Variants in LYST observed in about 807,000 individuals in gnomAD.
LYST encodes the protein lysosomal-trafficking regulator.
A neutral mutation model predicts 413.6 loss-of-function variants in LYST; 192 were observed. The observed-to-expected ratio is 0.46, with a 90% CI of 0.41 to 0.52. The LOEUF (loss-of-function observed/expected upper bound fraction) is 0.52, where lower values mean the gene tolerates loss of function less well. LYST is among the 20% of genes least tolerant of loss of function. LYST has a pLI of 0.00. For synonymous variants in LYST, 1,525 were observed against 1,567.3 expected, an observed-to-expected ratio of 0.97 and a Z score of 0.64; for missense variants, 3,815 against 4,499.9, an observed-to-expected ratio of 0.85 and a Z score of 4.35.
intron 30 of LYST, among the ~76,000 whole-genome samples, chr1:235,741,862 C>T (rs1665430232): frequency 6.6e-6 from 1 of 152,160 alleles, no homozygotes; most frequent in Non-Finnish European, 1.5e-5. Context: ...ACAGTCTGAA[C>T]GTCCATCAGT....
At chr1:235,870,273 A>G (rs1438367936), upstream of LYST, among the ~76,000 whole-genome samples, 2 of 152,178 alleles carry the variant, frequency 1.3e-5, no homozygotes, top group Admixed American at 6.5e-5. Context: ...TCTGTACATC[A>G]TGAGCTATAA....
At chr1:235,740,427 G>A (rs781679704) in intron 31 of LYST, among the ~76,000 whole-genome samples, 20 of 151,602 alleles carry the variant, frequency 1.3e-4, no homozygotes, top group South Asian at 2.1e-4. Context: ...CTTTCTCACC[G>A]TCCCCCTTCC....
chr1:235,775,622 G>A (rs1442709796), intron 17 of LYST, among the ~76,000 whole-genome samples: 1 of 152,128 alleles, frequency 6.6e-6, no homozygotes, highest in Non-Finnish European at 1.5e-5. Flanking sequence ...AGGTATTCTG[G>A]AGAGCACAGA....
intron 19 of LYST, among the ~76,000 whole-genome samples, chr1:235,772,412 GTTTT>G (rs923704814): frequency 6.8e-6 from 1 of 147,736 alleles, no homozygotes; most frequent in Admixed American, 6.8e-5. Flanking sequence ...AGACAATCTA[GTTTT>G]TTTTTTGCAA....
intron 1 of LYST, chr1:235,839,617 A>ACCCCCCCCCCCCCC (rs34682314): frequency 6.8e-6 from 1 of 146,108 alleles, no homozygotes; most frequent in African/African-American, 2.7e-5. Flanking sequence ...AACACGGAGA[A>ACCCCCCCCCCCCCC]CCCCCCCCAC....
At chr1:235,771,917 G>GTTTT (rs1215590592) in intron 19 of LYST, among the ~76,000 whole-genome samples, 1,044 of 71,544 alleles carry the variant, frequency 0.015, no homozygotes, top group Non-Finnish European at 0.017. Flanking sequence ...TTTTTAGTTT[G>GTTTT]TTTTTTTTTT....
rs1558261064 is a variant in LYST at position 235,798,576 on chromosome 1, C to CTTAAAAAAAAAAAAAAAAA, written c.4006+1743_4006+1744insTTTTTTTTTTTTTTTTTAA. ...CTTGGCGACAAGGGCAAAACCCTGT[C>CTTAAAAAAAAAAAAAAAAA]ATAAAAAAAAAAAAAAAAAAAAAAA... is the stretch of plus-strand genomic sequence containing the variant. On this transcript the variant is annotated intron_variant, in intron 10 of 52. Transcript: ENST00000389793. Among the ~76,000 whole-genome samples the CTTAAAAAAAAAAAAAAAAA allele has an allele frequency of 2.0e-4, 5 of 24,526 alleles. 1 individual carries two copies. The highest frequency in any genetic ancestry group is 6.8e-4 in the African/African-American group (5 of 7,310). 16.1% of individuals were successfully genotyped at this position (24,526 alleles called of 152,430 possible).
chr1:235,680,920 A>C (rs1302933740), intron 48 of LYST, among the ~76,000 whole-genome samples: 3 of 152,158 alleles, frequency 2.0e-5, no homozygotes, highest in African/African-American at 7.2e-5. Context: ...TTCATATTAC[A>C]GAGAGAGACA....
At chr1:235,800,432 A>G in intron 9 of LYST, 46 bp from the exon 10 acceptor site, 1 of 1,039,230 alleles carries the variant, frequency 9.6e-7, no homozygotes, top group South Asian at 1.3e-5. Flanking sequence ...ACCTCACAGA[A>G]GCATGAAACA....
chr1:235,713,571 A>C (rs1662582531), intron 42 of LYST, among the ~76,000 whole-genome samples: 1 of 152,212 alleles, frequency 6.6e-6, no homozygotes, highest in South Asian at 2.1e-4. Flanking sequence ...GTTATTTGGC[A>C]ATGTCTAGCA....
chr1:235,710,796 G>C (rs527749508), intron 43 of LYST, among the ~76,000 whole-genome samples: 1 of 152,184 alleles, frequency 6.6e-6, no homozygotes, highest in South Asian at 2.1e-4. Flanking sequence ...TGCAGCCTCT[G>C]TTCGTCTCCC....
chr1:235,812,306 C>T (rs553755980), intron 4 of LYST, among the ~76,000 whole-genome samples: 1 of 152,030 alleles, frequency 6.6e-6, no homozygotes, highest in Non-Finnish European at 1.5e-5. Context: ...GAGTTTGAGA[C>T]CAGCCTGGCC....
intron 14 of LYST, among the ~76,000 whole-genome samples, chr1:235,784,388 C>T (rs906979190): frequency 2.0e-5 from 3 of 152,200 alleles, no homozygotes; most frequent in African/African-American, 4.8e-5. Context: ...ACCATGCTTA[C>T]TAATTTCAGA....
intron 49 of LYST, 130 bp downstream of exon 49, chr1:235,677,350 T>C (rs1659462583): frequency 2.6e-6 from 3 of 1,156,240 alleles, no homozygotes; most frequent in Non-Finnish European, 3.9e-6. Flanking sequence ...GTAATCTTAC[T>C]ACCTTTAAGC....
Position 235,810,314 on chromosome 1 carries a change from T to C in LYST, c.504A>G (p.Ser168=), listed in dbSNP as rs1673329018. ...TGCCTTTTTCATCTGAATTGGCTTC[T>C]GAATCTGAGGTGGAGAGCTGTGTCT... The part of the protein sequence containing the change: ...ARKTQLSTSD[S]EANSDEKGIA... The change falls in exon 5 of 53, where the codon TCA becomes TCG. Residue 168 remains serine (S), a synonymous_variant. Coordinates refer to ENST00000389793, the MANE Select transcript of LYST (RefSeq NM_000081.4). The C allele has an allele frequency of 6.2e-7, 1 of 1,614,048 alleles. No homozygotes were observed. The highest frequency in any genetic ancestry group is 8.5e-7 in the Non-Finnish European group (1 of 1,180,000).
chr1:235,717,812 T>A (rs114037306), intron 40 of LYST, among the ~76,000 whole-genome samples: 2,962 of 152,194 alleles, frequency 0.019, 94 homozygotes, highest in African/African-American at 0.068. Flanking sequence ...AAAACCTTGT[T>A]AAAAAGCAAA....
rs186154983 is a variant in LYST at position 235,779,997 on chromosome 1, A to T, written c.5214+868T>A. ...AAAAATCCTCACCACTAGCTCCTACATTATATACTGGTAGAACAAAATATT... is the reference window on the plus strand; with the variant it reads ...AAAAATCCTCACCACTAGCTCCTACTTTATATACTGGTAGAACAAAATATT... On this transcript the variant is annotated intron_variant, in intron 16 of 52. Coordinates refer to ENST00000389793, the MANE Select transcript of LYST (RefSeq NM_000081.4). 5.4e-3 allele frequency among the ~76,000 whole-genome samples: 816 copies of T among 152,314 alleles called. 3 individuals carry two copies. Among genetic ancestry groups the T allele is most frequent in the Middle Eastern group, 0.017 (5 of 294 alleles).
At chr1:235,716,052 G>A (rs149521672) in intron 41 of LYST, among the ~76,000 whole-genome samples, 29 of 152,230 alleles carry the variant, frequency 1.9e-4, no homozygotes, top group African/African-American at 4.3e-4. Flanking sequence ...CAGCAATGAC[G>A]CATTTTCAAC....
intron 31 of LYST, chr1:235,738,778 C>T: frequency 4.6e-6 from 5 of 1,089,292 alleles, no homozygotes; most frequent in Non-Finnish European, 7.1e-6. Context: ...GCAGATTTGG[C>T]AGAAAGTATA....
Sources: gnomAD v4.1 joint callset for allele counts (sites outside exome capture counted in the v4.1 genomes callset) on GRCh38, gnomAD v4.1.1 for gene constraint, MANE v1.5 for transcripts, NCBI Gene and HGNC (gene_info 2026-07-23, HGNC 2026-07-21) for gene names.